The following TLE2 variants were observed in gnomAD, a reference collection of about 807,000 sequenced individuals.
TLE2 encodes TLE family member 2, transcriptional corepressor, also known as transducin-like enhancer protein 2.
Under a neutral mutation model 97.2 loss-of-function variants are expected in TLE2, and 74 were observed. The observed-to-expected ratio is 0.76, with a 90% CI of 0.63 to 0.92. TLE2 has a LOEUF of 0.92. Ranked by LOEUF, TLE2 falls within the 40% of genes least tolerant of loss-of-function variation. The pLI is 0.00. For synonymous variants in TLE2, 499 were observed against 432.1 expected (o/e 1.15, Z -1.92); for missense variants, 1,038 against 1,008.7 (o/e 1.03, Z -0.39).
chr19:3,036,818 C>G (rs1045783032), intron 1 of TLE2, among the ~76,000 whole-genome samples: 3 of 152,170 alleles, frequency 2.0e-5, no homozygotes, highest in African/African-American at 7.2e-5. Flanking sequence ...CAAGGAGGGG[C>G]TCCCAAGTTT....
chr19:3,035,938 C>T (rs1457599717), intron 1 of TLE2, among the ~76,000 whole-genome samples: 1 of 152,200 alleles, frequency 6.6e-6, no homozygotes, highest in African/African-American at 2.4e-5. Flanking sequence ...GAGTCACCCC[C>T]AAGCCTGGCC....
At chr19:3,027,315 C>T (rs1364495133) in intron 4 of TLE2, among the ~76,000 whole-genome samples, 2 of 152,336 alleles carry the variant, frequency 1.3e-5, no homozygotes, top group East Asian at 3.9e-4. Context: ...ACAGTCTGAA[C>T]CATGGCATCA....
At chr19:3,001,230 G>A (rs190211569) in intron 18 of TLE2, among the ~76,000 whole-genome samples, 343 of 150,748 alleles carry the variant, frequency 2.3e-3, no homozygotes, top group African/African-American at 7.8e-3. Context: ...CTGAGATTGC[G>A]CCACTGCACT....
rs116837122 is a variant in TLE2 at position 3,015,578 on chromosome 19, T to C, written c.678+75A>G. 6.8e-4 allele frequency: 812 copies of C among 1,197,590 alleles called. 5 individuals carry two copies. In the African/African-American group the frequency reaches 0.011, roughly 17 times the overall value. 74.2% of individuals were successfully genotyped at this position (1,197,590 alleles called of 1,614,324 possible). On this transcript the variant is annotated intron_variant, in intron 9 of 19. Transcript: ENST00000262953. ...GAGAGAATTATGGCCAGAGCTGGGC[T>C]CTGGAAGGCTCTGAGGGGCCAGGCT...
intron 11 of TLE2, among the ~76,000 whole-genome samples, chr19:3,011,538 A>C (rs1036653280): frequency 6.7e-6 from 1 of 149,828 alleles, no homozygotes; most frequent in African/African-American, 2.5e-5. Context: ...TCAAAAAAAA[A>C]AAAAAAGACT....
chr19:3,006,583 CGCGGGATGCCCGCG>C lies in TLE2; in HGVS notation c.1323_1336del (p.Gly443ArgfsTer76). On this transcript the variant is annotated frameshift_variant, in exon 15 of 20. Transcript: ENST00000262953. LOFTEE classifies it high-confidence loss of function. ...CAGCGTGTGCAGCTGCCGGGCGTGC[CGCGGGATGCCCGCG>C]CCTACCAGTGCATCCGAGGGGAAGG... 6.2e-7 allele frequency: 1 copy of C among 1,605,922 alleles called. No homozygotes were observed. The highest frequency in any genetic ancestry group is 2.2e-5 in the East Asian group (1 of 44,472).
chr19:3,015,638 C>A lies in TLE2; in HGVS notation c.678+15G>T. On this transcript the variant is annotated intron_variant, in intron 9 of 19. Coordinates refer to ENST00000262953, the MANE Select transcript of TLE2 (RefSeq NM_003260.5). Reference sequence around the variant, plus strand: ...CATGCACGCCCATCCCAGTCCTGCACCTGCCCCCACTCACATAAGGTCCTG... The same window carrying A: ...CATGCACGCCCATCCCAGTCCTGCAACTGCCCCCACTCACATAAGGTCCTG... 1 of 1,592,622 alleles carries A rather than the reference C, an allele frequency of 6.3e-7. No homozygotes were observed. The highest frequency in any genetic ancestry group is 8.5e-7 in the Non-Finnish European group (1 of 1,169,684).
intron 17 of TLE2, 42 bp downstream of exon 17, chr19:3,005,395 T>G: frequency 6.2e-7 from 1 of 1,605,548 alleles, no homozygotes; most frequent in Non-Finnish European, 8.5e-7. Context: ...GATGCTGTAT[T>G]CCTAGAGCTT....
chr19:3,016,267 A>G (rs969838517), intron 8 of TLE2, among the ~76,000 whole-genome samples: 7 of 150,888 alleles, frequency 4.6e-5, no homozygotes, highest in Admixed American at 2.0e-4. Flanking sequence ...TCTGACATCT[A>G]TAATTATTTC....
chr19:3,005,668 G>C, intron 16 of TLE2, 53 bp downstream of exon 16: 1 of 1,606,820 alleles, frequency 6.2e-7, no homozygotes, highest in Non-Finnish European at 8.5e-7. Flanking sequence ...CACTCCCCCT[G>C]CACCGAGAGC....
At chr19:3,011,917 C>T (rs571356343) in intron 11 of TLE2, among the ~76,000 whole-genome samples, 21 of 146,398 alleles carry the variant, frequency 1.4e-4, no homozygotes, top group African/African-American at 5.2e-4. Context: ...ATTTGCAATT[C>T]TTTTTTTTTT....
At chr19:3,027,591 T>C (rs935045468) in intron 4 of TLE2, among the ~76,000 whole-genome samples, 1 of 152,200 alleles carries the variant, frequency 6.6e-6, no homozygotes, top group Non-Finnish European at 1.5e-5. Flanking sequence ...CCTGCATCTC[T>C]GCTGGACGCT....
In TLE2 at chr19:3,019,962, G is replaced by A; in HGVS notation, c.295-189C>T. On this transcript the variant is annotated intron_variant, in intron 5 of 19. Coordinates refer to ENST00000262953, the MANE Select transcript of TLE2 (RefSeq NM_003260.5). This position sits in a 1 kb window ranked among gnomAD's most constrained non-coding sequence, Gnocchi z 5.1. ...ATTTTGAAATAAGCACACGGAGAAA[G>A]AAACCAAACCTAAGTGCAGGTAGAA... The A allele has an allele frequency of 1.3e-6, 1 of 779,886 alleles. No individual in the cohort carries two copies. The highest frequency in any genetic ancestry group is 1.9e-5 in the South Asian group (1 of 53,928). The allele number at this position is 779,886 out of a possible 1,614,324, so 48.3% of individuals were successfully genotyped here. A position where few individuals can be genotyped will look rare whatever the true frequency, so the allele number is the denominator to read the frequency against.
chr19:3,010,896 C>T, intron 12 of TLE2, 126 bp downstream of exon 12: 2 of 1,347,446 alleles, frequency 1.5e-6, no homozygotes, highest in Non-Finnish European at 9.9e-7. Flanking sequence ...CTTGAAGTCA[C>T]AAAAAGGACC....
chr19:3,021,109 AAAAAAG>A (rs1436123839), intron 5 of TLE2, among the ~76,000 whole-genome samples: 3 of 118,642 alleles, frequency 2.5e-5, no homozygotes, highest in Admixed American at 8.9e-5. Context: ...AAAAAAAAAA[AAAAAAG>A]GGGGGGGGGT....
chr19:3,003,037 CA>C (rs990321984), intron 17 of TLE2, among the ~76,000 whole-genome samples: 1 of 152,116 alleles, frequency 6.6e-6, no homozygotes, highest in Admixed American at 6.6e-5. Flanking sequence ...CCAGCACCAT[CA>C]GGGGTTGCGG....
intron 5 of TLE2, among the ~76,000 whole-genome samples, chr19:3,022,890 T>C (rs2089872342): frequency 6.6e-6 from 1 of 152,114 alleles, no homozygotes; most frequent in South Asian, 2.1e-4. Context: ...GTCACTGTAA[T>C]GGGAAAGCTG....
chr19:3,033,825 C>G (rs762478200), upstream of TLE2, among the ~76,000 whole-genome samples: 1 of 152,056 alleles, frequency 6.6e-6, no homozygotes, highest in Non-Finnish European at 1.5e-5. Flanking sequence ...GGCAACATAG[C>G]GAGACCCAAC....
At chr19:3,029,502 G>A (rs1285117641), upstream of TLE2, 1 of 983,746 alleles carries the variant, frequency 1.0e-6, no homozygotes, top group Non-Finnish European at 1.2e-6. Flanking sequence ...CCTCCCGGAG[G>A]GGCGGGAGAA....
Sources: gnomAD v4.1 joint callset for allele counts (sites outside exome capture counted in the v4.1 genomes callset) on GRCh38, gnomAD v4.1.1 for gene constraint, Gnocchi (gnomAD v3.1) non-coding constraint, MANE v1.5 for transcripts, NCBI Gene and HGNC (gene_info 2026-07-23, HGNC 2026-07-21) for gene names.